Variants in AIRIM observed in about 807,000 individuals in gnomAD.
AIRIM encodes AFG2-interacting ribosome maturation factor.
the AIRIM span, chr1:37,684,298 C>A: frequency 6.6e-6 from 1 of 152,334 alleles, no homozygotes; most frequent in East Asian, 1.9e-4. Context: ...CTCCTTCTGC[C>A]CATGCTCCTG....
At chr1:37,689,256 A>C in the AIRIM span, among the ~76,000 whole-genome samples, 2 of 152,224 alleles carry the variant, frequency 1.3e-5, no homozygotes, top group African/African-American at 4.8e-5. Context: ...AACGTAATAT[A>C]CATAAACCCC....
the AIRIM span, chr1:37,690,547 C>T: frequency 8.9e-7 from 1 of 1,125,450 alleles, no homozygotes; most frequent in Non-Finnish European, 1.1e-6. Context: ...CGCGACCTCC[C>T]CACAAAGCTA....
the AIRIM span, chr1:37,686,397 G>C: frequency 4.3e-6 from 7 of 1,614,148 alleles, no homozygotes; most frequent in Admixed American, 3.3e-5. Context: ...TCATAGATCT[G>C]AAACACTCGC....
chr1:37,686,527 T>A, the AIRIM span: 1 of 1,433,376 alleles, frequency 7.0e-7, no homozygotes, highest in Non-Finnish European at 9.5e-7. Context: ...TTGGCACTAC[T>A]GATATTTTGG....
the AIRIM span, chr1:37,689,877 T>C: frequency 1.3e-6 from 2 of 1,550,044 alleles, no homozygotes; most frequent in Non-Finnish European, 1.7e-6. Context: ...CGGTCTTGAG[T>C]CATCTTCTGC....
the AIRIM span, chr1:37,686,433 G>A: frequency 3.7e-6 from 6 of 1,613,532 alleles, no homozygotes; most frequent in South Asian, 3.3e-5. Flanking sequence ...ACCATGTCTC[G>A]CACCTTGAGG....
At chr1:37,689,716 C>T in the AIRIM span, 2 of 1,613,904 alleles carry the variant, frequency 1.2e-6, no homozygotes, top group Non-Finnish European at 1.7e-6. Context: ...CCTCAAACCG[C>T]AGGTTCTGTG....
the AIRIM span, among the ~76,000 whole-genome samples, chr1:37,684,464 C>T: frequency 1.3e-5 from 2 of 152,064 alleles, no homozygotes; most frequent in Non-Finnish European, 2.9e-5. Context: ...ACTAAAAGTA[C>T]AAAAATTAGC....
chr1:37,682,768 G>C, the AIRIM span: 1 of 200,206 alleles, frequency 5.0e-6, no homozygotes, highest in Non-Finnish European at 1.0e-5. Context: ...GCCAAGGGCA[G>C]TGTGGCTCTT....
the AIRIM span, chr1:37,690,010 G>A: frequency 7.0e-7 from 1 of 1,426,736 alleles, no homozygotes; most frequent in South Asian, 1.5e-5. Context: ...ACCTCCAGAA[G>A]CAGGGTTTTT....
chr1:37,690,519 T>C, the AIRIM span: 1 of 1,178,726 alleles, frequency 8.5e-7, no homozygotes, highest in East Asian at 6.1e-5. Context: ...GCCCACAGTC[T>C]CTCTGCGCAT....
At chr1:37,690,419 C>A in the AIRIM span, 1 of 1,263,040 alleles carries the variant, frequency 7.9e-7, no homozygotes, top group East Asian at 5.6e-5. Context: ...CTCCCCTGCC[C>A]GAGGCTGCCG....
chr1:37,683,486 T>A, the AIRIM span: 2 of 1,575,438 alleles, frequency 1.3e-6, no homozygotes, highest in Admixed American at 1.9e-5. Context: ...TATGCTGAAG[T>A]GAAAAAAAAC....
At chr1:37,684,794 A>T in the AIRIM span, among the ~76,000 whole-genome samples, 11 of 152,148 alleles carry the variant, frequency 7.2e-5, 1 homozygote, top group Admixed American at 6.5e-4. Context: ...AGACAAGAAA[A>T]GTTGGGGTTT....
At chr1:37,690,575 GCTA>G in the AIRIM span, 1 of 954,316 alleles carries the variant, frequency 1.0e-6, no homozygotes, top group Non-Finnish European at 1.4e-6. Context: ...GGCCTGCCTG[GCTA>G]CTGAGTCGCG....
the AIRIM span, among the ~76,000 whole-genome samples, chr1:37,684,563 G>A: frequency 6.6e-6 from 1 of 152,194 alleles, no homozygotes; most frequent in Non-Finnish European, 1.5e-5. Flanking sequence ...AGGTTGCAGT[G>A]AGCCAAGATC....
At chr1:37,690,029 T>G in the AIRIM span, 1 of 1,421,500 alleles carries the variant, frequency 7.0e-7, no homozygotes. Flanking sequence ...TTTTTTTGTT[T>G]TTTTTTCGAG....
At chr1:37,689,953 G>C in the AIRIM span, 1 of 1,475,170 alleles carries the variant, frequency 6.8e-7, no homozygotes, top group Non-Finnish European at 8.9e-7. Context: ...GCACTGGGTC[G>C]AGGGTGGGCG....
chr1:37,689,432 A>G, the AIRIM span: 1 of 695,538 alleles, frequency 1.4e-6, no homozygotes. Flanking sequence ...AAAATGCCAG[A>G]AAATGGCTTT....
Sources: allele counts gnomAD v4.1 joint callset (sites outside exome capture counted in the v4.1 genomes callset), GRCh38; gene constraint gnomAD v4.1.1; transcripts MANE v1.5; gene names NCBI Gene and HGNC (gene_info 2026-07-23, HGNC 2026-07-21).